Variants in CAMK1D observed in about 807,000 individuals in gnomAD.
CAMK1D encodes the protein calcium/calmodulin dependent protein kinase ID, also known as calcium/calmodulin-dependent protein kinase type 1D.
In CAMK1D, 9 loss-of-function variants were observed where a neutral mutation model predicts 47.7. The ratio of observed to expected loss-of-function variants is 0.19; its 90% CI spans 0.11 to 0.33. The LOEUF (loss-of-function observed/expected upper bound fraction) is 0.33. Among genes scored for constraint, CAMK1D ranks in the 10% least tolerant of loss-of-function variants. CAMK1D has a pLI of 1.00. For synonymous variants in CAMK1D, 184 were observed against 184.9 expected, an observed-to-expected ratio of 0.99 and a Z score of 0.04; for missense variants, 291 against 488.7, an observed-to-expected ratio of 0.60 and a Z score of 3.81.
intron 1 of CAMK1D, among the ~76,000 whole-genome samples, chr10:12,400,463 C>T (rs1477527740): frequency 3.3e-5 from 5 of 152,162 alleles, no homozygotes; most frequent in Admixed American, 3.3e-4. Context: ...TAAAAGACCT[C>T]AGAAGAGGAG....
At chr10:12,750,576 C>T (rs541104200) in intron 3 of CAMK1D, among the ~76,000 whole-genome samples, 1 of 152,222 alleles carries the variant, frequency 6.6e-6, no homozygotes, top group South Asian at 2.1e-4. Context: ...AAAGGCCAAA[C>T]TCAGAGCAGA....
chr10:12,528,530 G>A (rs576150029), intron 1 of CAMK1D, among the ~76,000 whole-genome samples: 3 of 152,222 alleles, frequency 2.0e-5, no homozygotes, highest in Non-Finnish European at 4.4e-5. Context: ...ATTTACAAAC[G>A]TACCCACATA....
chr10:12,701,882 A>C (rs1184955278), intron 3 of CAMK1D, among the ~76,000 whole-genome samples: 1 of 152,104 alleles, frequency 6.6e-6, no homozygotes, highest in African/African-American at 2.4e-5. Context: ...ATGCGTTTGG[A>C]GCCCCAGGCA....
At chr10:12,481,730 G>A (rs1297136525) in intron 1 of CAMK1D, among the ~76,000 whole-genome samples, 5 of 152,072 alleles carry the variant, frequency 3.3e-5, no homozygotes, top group East Asian at 1.9e-4. Context: ...GGCTGGTCTC[G>A]AACTCCTGAC....
At chr10:12,797,051 T>C (rs1838225257) in intron 6 of CAMK1D, among the ~76,000 whole-genome samples, 1 of 152,222 alleles carries the variant, frequency 6.6e-6, no homozygotes, top group South Asian at 2.1e-4. Context: ...TTCTTTCTTT[T>C]GGAACAGGGT....
chr10:12,788,562 A>G (rs778204058), intron 5 of CAMK1D, among the ~76,000 whole-genome samples: 6 of 152,212 alleles, frequency 3.9e-5, no homozygotes, highest in Non-Finnish European at 7.3e-5. Flanking sequence ...CCATCAGGCC[A>G]CGAGGCTGGC....
intron 3 of CAMK1D, among the ~76,000 whole-genome samples, chr10:12,757,065 G>C (rs1004724351): frequency 1.1e-4 from 16 of 152,172 alleles, no homozygotes; most frequent in African/African-American, 3.4e-4. Flanking sequence ...TTGCCAGCCT[G>C]TTTACCTTTC....
At chr10:12,802,939 G>C (rs148425866) in intron 6 of CAMK1D, among the ~76,000 whole-genome samples, 5 of 152,348 alleles carry the variant, frequency 3.3e-5, no homozygotes, top group Admixed American at 1.3e-4. Flanking sequence ...GAACATGCAG[G>C]TGTGGTGTTT....
intron 3 of CAMK1D, among the ~76,000 whole-genome samples, chr10:12,706,829 T>C (rs1433500374): frequency 6.6e-6 from 1 of 152,138 alleles, no homozygotes; most frequent in African/African-American, 2.4e-5. Context: ...TTTGAGCATC[T>C]GCTTTGTGCT....
chr10:12,691,396 TATATATAAATATATATA>T (rs2130666834), intron 3 of CAMK1D, among the ~76,000 whole-genome samples: 1 of 7,294 alleles, frequency 1.4e-4, no homozygotes, highest in East Asian at 5.9e-3. Flanking sequence ...TATATATATA[TATATATAAATATATATA>T]TATATATATT....
chr10:12,710,477 C>G (rs1833896411), intron 3 of CAMK1D, among the ~76,000 whole-genome samples: 1 of 152,194 alleles, frequency 6.6e-6, no homozygotes. Flanking sequence ...GTGACAAAGA[C>G]AGAGAAGAAA....
At chr10:12,626,527 G>A (rs1216068406) in intron 2 of CAMK1D, among the ~76,000 whole-genome samples, 1 of 146,636 alleles carries the variant, frequency 6.8e-6, no homozygotes, top group Non-Finnish European at 1.5e-5. Flanking sequence ...AGGCTGGAGT[G>A]CAGTGGCATG....
rs758251293 is a variant in CAMK1D at position 12,349,805 on chromosome 10, C to T, written c.-14C>T. The T allele has an allele frequency of 5.0e-6, 7 of 1,399,950 alleles. No homozygotes were observed. The East Asian group carries it at 1.8e-4, about 35-fold the overall frequency. The allele number at this position is 1,399,950 out of a possible 1,614,324, so 86.7% of individuals were successfully genotyped here. On this transcript the variant is annotated 5_prime_UTR_variant, in exon 1 of 11. Coordinates refer to ENST00000619168, the MANE Select transcript of CAMK1D (RefSeq NM_153498.4). ...CGCGCCCCCGGCCGCTCCTCCGCGC[C>T]GCGCTCGTCGGCCATGGCCCGGGAG...
At chr10:12,727,664 A>G (rs1277648243) in intron 3 of CAMK1D, among the ~76,000 whole-genome samples, 1 of 152,054 alleles carries the variant, frequency 6.6e-6, no homozygotes, top group Non-Finnish European at 1.5e-5. Flanking sequence ...TTTTTATTTG[A>G]TTACGTACAA....
chr10:12,724,889 C>CAAA (rs5783285), intron 3 of CAMK1D, among the ~76,000 whole-genome samples: 2 of 145,544 alleles, frequency 1.4e-5, no homozygotes, highest in Non-Finnish European at 3.0e-5. Context: ...CTTAAAAAAC[C>CAAA]AAAAAAAAAA....
intron 5 of CAMK1D, among the ~76,000 whole-genome samples, chr10:12,788,587 G>A (rs1237217618): frequency 6.6e-6 from 1 of 152,238 alleles, no homozygotes; most frequent in East Asian, 1.9e-4. Context: ...GATGGTCCTT[G>A]TGGATGTCGT....
chr10:12,793,562 G>T (rs1838073018), intron 6 of CAMK1D, among the ~76,000 whole-genome samples: 1 of 152,272 alleles, frequency 6.6e-6, no homozygotes, highest in South Asian at 2.1e-4. Flanking sequence ...GAGGCTGGAA[G>T]TCCAAGATCA....
intron 2 of CAMK1D, among the ~76,000 whole-genome samples, chr10:12,574,652 C>T (rs1354861343): frequency 6.6e-6 from 1 of 151,700 alleles, no homozygotes; most frequent in African/African-American, 2.4e-5. Context: ...CTGACTTCTT[C>T]CTCCTCGTGT....
Position 12,404,528 on chromosome 10 carries a change from A to G in CAMK1D, c.92+54618A>G, listed in dbSNP as rs144127015. Among the ~76,000 whole-genome samples, 341 of 152,286 alleles carry G rather than the reference A, an allele frequency of 2.2e-3. 7 individuals are homozygous for G. Among genetic ancestry groups the G allele is most frequent in the African/African-American group, 7.3e-3 (304 of 41,564 alleles). On this transcript the variant is annotated intron_variant, in intron 1 of 10. Coordinates refer to ENST00000619168, the MANE Select transcript of CAMK1D (RefSeq NM_153498.4). Reference sequence around the variant, plus strand: ...AGATTTAAACAAGTGTAGGAAAGCTAGGAGAGAAAGCTGTTTGTTACTGTT... The same window carrying G: ...AGATTTAAACAAGTGTAGGAAAGCTGGGAGAGAAAGCTGTTTGTTACTGTT...
Sources: gnomAD v4.1 joint callset for allele counts (sites outside exome capture counted in the v4.1 genomes callset) on GRCh38, gnomAD v4.1.1 for gene constraint, MANE v1.5 for transcripts, NCBI Gene and HGNC (gene_info 2026-07-23, HGNC 2026-07-21) for gene names.